The following SCN9A variants were observed in gnomAD, a reference collection of about 807,000 sequenced individuals.
SCN9A encodes sodium voltage-gated channel alpha subunit 9.
In SCN9A, 131 loss-of-function variants were observed where a neutral mutation model predicts 187.0. That is an observed-to-expected ratio of 0.70 (90% CI 0.61 to 0.81). The LOEUF is 0.81. Among genes scored for constraint, SCN9A ranks in the 30% least tolerant of loss-of-function variants. The pLI, the probability that SCN9A is intolerant of heterozygous loss-of-function variation, is 0.00. For missense variants in SCN9A, 2,252 were observed against 2,396.6 expected (o/e 0.94, Z 1.26); for synonymous variants, 809 against 808.6 (o/e 1.00, Z -0.01).
chr2:166,291,151 A>G (rs1698049545), intron 9 of SCN9A, among the ~76,000 whole-genome samples: 1 of 152,020 alleles, frequency 6.6e-6, no homozygotes, highest in Non-Finnish European at 1.5e-5. Context: ...GTCTCTGCAA[A>G]TGACATGATT....
At chr2:166,355,122 G>A (rs938141538) in intron 1 of SCN9A, among the ~76,000 whole-genome samples, 3 of 151,140 alleles carry the variant, frequency 2.0e-5, no homozygotes, top group Non-Finnish European at 4.4e-5. Flanking sequence ...TTTTAATGGA[G>A]TCTCTCTCTG....
intron 1 of SCN9A, among the ~76,000 whole-genome samples, chr2:166,341,475 A>G (rs1243576320): frequency 6.6e-6 from 1 of 152,246 alleles, no homozygotes; most frequent in African/African-American, 2.4e-5. Context: ...AGAAAAGTTA[A>G]TTTGATAGAA....
chr2:166,268,501 A>G lies in SCN9A; in HGVS notation c.3351+3898T>C, dbSNP rs115307528. On this transcript the variant is annotated intron_variant, in intron 17 of 26. Coordinates refer to ENST00000642356, the MANE Select transcript of SCN9A (RefSeq NM_001365536.1). ...CTCTGGGAACTCAAGTGGGAGATGA[A>G]GATTATGAGAATTAGAGCAGGAAAA... 9.1e-3 allele frequency among the ~76,000 whole-genome samples: 1,385 copies of G among 152,102 alleles called. 9 individuals carry two copies. The highest frequency in any genetic ancestry group is 0.015 in the Non-Finnish European group (991 of 67,926).
At chr2:166,360,950 T>G (rs1482952847) in intron 1 of SCN9A, among the ~76,000 whole-genome samples, 4 of 152,172 alleles carry the variant, frequency 2.6e-5, no homozygotes, top group Admixed American at 1.3e-4. Flanking sequence ...AGATCTGCAG[T>G]AAAATAGTAA....
rs566656331 is a variant in SCN9A at position 166,357,348 on chromosome 2, C to T, written c.-51+18349G>A. On this transcript the variant is annotated intron_variant, in intron 1 of 26. Transcript: ENST00000642356. ...AATTCTCTTTTGTTACCTAGTGTAA[C>T]GCCTACAGGGCCATAGCTGAATTTC... Among the ~76,000 whole-genome samples, 7 of 152,120 alleles carry T rather than the reference C, an allele frequency of 4.6e-5. No individual in the cohort carries two copies. The East Asian group carries it at 5.8e-4, about 13-fold the overall frequency.
chr2:166,198,964 G>A lies in SCN9A; in HGVS notation c.5675C>T (p.Ser1892Phe). The part of the protein sequence containing the change: ...TTLKRKQEDV[S>F]ATVIQRAYRR... ...ATAAGCACGCTGAATGACAGTAGCA[G>A]ACACATCCTCTTGTTTCCGTTTTAG... The change falls in exon 27 of 27, where the codon TCT becomes TTT. Residue 1892 changes from serine (S) to phenylalanine (F), a missense_variant. Coordinates refer to ENST00000642356, the MANE Select transcript of SCN9A (RefSeq NM_001365536.1). The A allele has an allele frequency of 1.2e-6, 2 of 1,613,982 alleles. No individual in the cohort carries two copies. Among genetic ancestry groups the A allele is most frequent in the East Asian group, 2.2e-5 (1 of 44,884 alleles).
intron 20 of SCN9A, among the ~76,000 whole-genome samples, chr2:166,235,962 A>G (rs1213170352): frequency 2.0e-5 from 3 of 152,092 alleles, no homozygotes; most frequent in South Asian, 2.1e-4. Context: ...AATAAGTTCA[A>G]TTTTACTTGT....
chr2:166,246,971 C>G (rs971197000), intron 18 of SCN9A, among the ~76,000 whole-genome samples: 10 of 151,736 alleles, frequency 6.6e-5, no homozygotes, highest in Admixed American at 5.9e-4. Flanking sequence ...AGCTGGTTAG[C>G]AATGTTATCA....
At chr2:166,291,919 A>C (rs2106500228) in intron 9 of SCN9A, among the ~76,000 whole-genome samples, 1 of 152,326 alleles carries the variant, frequency 6.6e-6, no homozygotes, top group South Asian at 2.1e-4. Context: ...ACAAAAATTA[A>C]CTCAAGATGG....
chr2:166,317,996 A>C (rs1421672318), intron 1 of SCN9A, among the ~76,000 whole-genome samples: 1 of 152,152 alleles, frequency 6.6e-6, no homozygotes, highest in Non-Finnish European at 1.5e-5. Flanking sequence ...CAAATATGTG[A>C]TGTAGATCAG....
At chr2:166,216,754 A>G (rs1288201135) in intron 24 of SCN9A, among the ~76,000 whole-genome samples, 2 of 152,090 alleles carry the variant, frequency 1.3e-5, no homozygotes, top group Admixed American at 6.5e-5. Flanking sequence ...ATAAATTGTA[A>G]TATATTTCAT....
At chr2:166,367,557 G>T (rs12469343) in intron 1 of SCN9A, among the ~76,000 whole-genome samples, 1 of 152,090 alleles carries the variant, frequency 6.6e-6, no homozygotes, top group Non-Finnish European at 1.5e-5. Context: ...AAGCCACCGC[G>T]CCTGGCCCAC....
At chr2:166,217,490 A>G (rs1694387143) in intron 24 of SCN9A, among the ~76,000 whole-genome samples, 1 of 152,116 alleles carries the variant, frequency 6.6e-6, no homozygotes, top group Admixed American at 6.6e-5. Context: ...AACATTATAC[A>G]TAAAAAGCTC....
intron 1 of SCN9A, among the ~76,000 whole-genome samples, chr2:166,322,640 G>T (rs575064964): frequency 1.3e-5 from 2 of 151,928 alleles, no homozygotes; most frequent in South Asian, 4.2e-4. Flanking sequence ...CCTTGCTTTG[G>T]ATAATTTTAT....
chr2:166,262,611 T>C (rs1275897574), intron 17 of SCN9A, among the ~76,000 whole-genome samples: 1 of 151,976 alleles, frequency 6.6e-6, no homozygotes, highest in Non-Finnish European at 1.5e-5. Flanking sequence ...CTACTACTCA[T>C]TTTCTTGCCT....
chr2:166,227,762 C>G (rs779913423), intron 22 of SCN9A, 39 bp from the exon 23 acceptor site: 2 of 1,039,356 alleles, frequency 1.9e-6, no homozygotes, highest in South Asian at 2.7e-5. Flanking sequence ...ATGTTAAGCT[C>G]ATATTCTAAA....
intron 20 of SCN9A, among the ~76,000 whole-genome samples, chr2:166,235,049 A>C (rs1574774672): frequency 6.6e-6 from 1 of 152,266 alleles, no homozygotes; most frequent in South Asian, 2.1e-4. Context: ...CCAGCAAGAA[A>C]GTTCCCACCA....
intron 20 of SCN9A, among the ~76,000 whole-genome samples, chr2:166,235,614 A>G (rs1379667062): frequency 1.3e-5 from 2 of 152,028 alleles, no homozygotes; most frequent in Non-Finnish European, 2.9e-5. Flanking sequence ...ACATGTGCCA[A>G]CGTTTTCAGT....
intron 1 of SCN9A, among the ~76,000 whole-genome samples, chr2:166,349,085 C>T (rs1266909402): frequency 6.6e-6 from 1 of 152,050 alleles, no homozygotes; most frequent in Non-Finnish European, 1.5e-5. Context: ...CGAGATCACG[C>T]CATTGCACTT....
Sources: gnomAD v4.1 joint callset for allele counts (sites outside exome capture counted in the v4.1 genomes callset) on GRCh38, gnomAD v4.1.1 for gene constraint, MANE v1.5 for transcripts, NCBI Gene and HGNC (gene_info 2026-07-23, HGNC 2026-07-21) for gene names.